Variants in TM4SF5 observed in about 807,000 individuals in gnomAD.
The protein encoded by TM4SF5 is transmembrane 4 L6 family member 5.
A neutral mutation model predicts 22.3 loss-of-function variants in TM4SF5; 16 were observed. The observed-to-expected ratio is 0.72, with a 90% confidence interval of 0.49 to 1.09. The LOEUF is 1.09. TM4SF5 is among the 50% of genes least tolerant of loss of function. The pLI is 0.00. For missense variants in TM4SF5, 249 were observed against 266.1 expected, an observed-to-expected ratio of 0.94 and a Z score of 0.45; for synonymous variants, 113 against 109.6, an observed-to-expected ratio of 1.03 and a Z score of -0.19.
intron 2 of TM4SF5, 115 bp downstream of exon 2, chr17:4,780,984 G>A: frequency 1.2e-6 from 1 of 848,510 alleles, no homozygotes; most frequent in Non-Finnish European, 1.8e-6. Context: ...TTCTAGACCA[G>A]CCCAGGAAAC....
In TM4SF5 at chr17:4,781,136, A is replaced by T. The variant is rs34783134; in HGVS notation, c.258+267A>T. Among the ~76,000 whole-genome samples, 5 of 22,736 alleles carry T rather than the reference A, an allele frequency of 2.2e-4. No homozygotes were observed. In the East Asian group the frequency reaches 4.0e-3, roughly 18 times the overall value. The allele number at this position is 22,736 out of a possible 152,430, so 14.9% of individuals were successfully genotyped here. On this transcript the variant is annotated intron_variant, in intron 2 of 4. Transcript: ENST00000270560. ...TCCAGGCTGCAGTAAGCAGTGATTT[A>T]AAAAAAAAAAAAAAAAAAAAAAAAG...
chr17:4,775,839 GAAT>G (rs1917194160), intron 1 of TM4SF5, among the ~76,000 whole-genome samples: 1 of 152,070 alleles, frequency 6.6e-6, no homozygotes, highest in Non-Finnish European at 1.5e-5. Flanking sequence ...TACACAAATG[GAAT>G]GATAGAGTAT....
chr17:4,780,967 C>G, intron 2 of TM4SF5, 98 bp downstream of exon 2: 1 of 1,033,018 alleles, frequency 9.7e-7, no homozygotes, highest in Non-Finnish European at 1.5e-6. Flanking sequence ...ACGGCTTGAG[C>G]CAGGAGTTCT....
Position 4,771,892 on chromosome 17 carries a change from A to C in TM4SF5, c.-31A>C, listed in dbSNP as rs1597295668. The C allele has an allele frequency of 1.2e-6, 2 of 1,612,136 alleles. No homozygotes were observed. Among genetic ancestry groups the C allele is most frequent in the Non-Finnish European group, 1.7e-6 (2 of 1,178,886 alleles). On this transcript the variant is annotated 5_prime_UTR_variant, in exon 1 of 5. Transcript: ENST00000270560. ...ACCTGGGAACCACTGGCTTACTTTC[A>C]CTCACCGCCTGTCCTTCCTGACACC...
At position 4,782,858 on chromosome 17, in the gene TM4SF5, G is replaced by T. The variant is rs755807027; in HGVS notation, c.400G>T (p.Ala134Ser). 2 of 1,611,486 alleles carry T rather than the reference G, an allele frequency of 1.2e-6. No homozygotes were observed. The highest frequency in any genetic ancestry group is 1.7e-6 in the Non-Finnish European group (2 of 1,178,786). The change falls in exon 4 of 5, where the codon GCT becomes TCT. Residue 134 changes from alanine to serine, a missense_variant. Ala to Ser is a moderately conservative substitution (Grantham distance 99). Coordinates refer to ENST00000270560, the MANE Select transcript of TM4SF5 (RefSeq NM_003963.3). ...GTGGCCTCACCCCTCCCACAGGGGA[G>T]CTTACTTGCTCAACCGCACTCTATG... Reference protein sequence around the residue: ...WGYHFEDTAGAYLLNRTLWDR... With the variant: ...WGYHFEDTAGSYLLNRTLWDR...
At chr17:4,774,804 AGCTGAGGCAGGAG>A (rs1489987327) in intron 1 of TM4SF5, among the ~76,000 whole-genome samples, 3 of 151,978 alleles carry the variant, frequency 2.0e-5, no homozygotes, top group African/African-American at 7.3e-5. Context: ...CTACTCAGGA[AGCTGAGGCAGGAG>A]AATTGCTTGA....
At chr17:4,772,525 G>A (rs966636427) in intron 1 of TM4SF5, among the ~76,000 whole-genome samples, 2 of 152,150 alleles carry the variant, frequency 1.3e-5, no homozygotes, top group Non-Finnish European at 2.9e-5. Context: ...TCACGGATCA[G>A]TCACCCTCGC....
At chr17:4,775,845 T>A (rs1205331080) in intron 1 of TM4SF5, among the ~76,000 whole-genome samples, 1 of 152,126 alleles carries the variant, frequency 6.6e-6, no homozygotes, top group Non-Finnish European at 1.5e-5. Context: ...AATGGAATGA[T>A]AGAGTATGTG....
chr17:4,780,731 C>G, intron 1 of TM4SF5, 58 bp from the exon 2 acceptor site: 1 of 1,448,654 alleles, frequency 6.9e-7, no homozygotes, highest in Non-Finnish European at 9.5e-7. Flanking sequence ...GGCACTGATG[C>G]AAGTCAGGCC....
At chr17:4,777,717 T>C (rs1483299461) in intron 1 of TM4SF5, among the ~76,000 whole-genome samples, 1 of 151,938 alleles carries the variant, frequency 6.6e-6, no homozygotes, top group Non-Finnish European at 1.5e-5. Flanking sequence ...AAACTTTGTC[T>C]CTACTAAAAA....
chr17:4,780,709 C>T, intron 1 of TM4SF5, 80 bp from the exon 2 acceptor site: 1 of 1,189,008 alleles, frequency 8.4e-7, no homozygotes, highest in Non-Finnish European at 1.2e-6. Flanking sequence ...AGGCAGCTTC[C>T]TGAAGGAGGT....
intron 1 of TM4SF5, among the ~76,000 whole-genome samples, chr17:4,774,901 C>A (rs188616629): frequency 6.6e-6 from 1 of 152,322 alleles, no homozygotes; most frequent in African/African-American, 2.4e-5. Context: ...GAGTGAAACT[C>A]TGTCTCAAAA....
intron 2 of TM4SF5, 152 bp from the exon 3 acceptor site, chr17:4,782,351 T>C: frequency 1.1e-6 from 1 of 875,296 alleles, no homozygotes; most frequent in Non-Finnish European, 1.8e-6. Flanking sequence ...AGTGCTGAGA[T>C]TACAGGGGTG....
At chr17:4,781,489 A>C (rs1917310286) in intron 2 of TM4SF5, among the ~76,000 whole-genome samples, 1 of 152,120 alleles carries the variant, frequency 6.6e-6, no homozygotes, top group Admixed American at 6.5e-5. Context: ...GCCTCAAAAA[A>C]AATGTATTTT....
chr17:4,783,135 A>G lies in TM4SF5; in HGVS notation c.*7A>G, dbSNP rs772266496. 1 of 1,613,444 alleles carries G rather than the reference A, an allele frequency of 6.2e-7. No individual in the cohort carries two copies. Among genetic ancestry groups the G allele is most frequent in the South Asian group, 1.1e-5 (1 of 91,010 alleles). ...GCAGGACACACCTCACTGAGGCTCC[A>G]CTGACCGCCGGGTTACACCTGCTCC... is the stretch of plus-strand genomic sequence containing the variant. On this transcript the variant is annotated 3_prime_UTR_variant, in exon 5 of 5. Coordinates refer to ENST00000270560, the MANE Select transcript of TM4SF5 (RefSeq NM_003963.3).
At chr17:4,782,013 A>C (rs1268362155) in intron 2 of TM4SF5, among the ~76,000 whole-genome samples, 7 of 150,806 alleles carry the variant, frequency 4.6e-5, no homozygotes, top group Non-Finnish European at 8.8e-5. Context: ...TCCGCAGAGG[A>C]GCTTGTGTAG....
intron 1 of TM4SF5, 86 bp from the exon 2 acceptor site, chr17:4,780,703 A>G (rs1198122181): frequency 1.9e-6 from 2 of 1,067,878 alleles, no homozygotes; most frequent in Non-Finnish European, 2.7e-6. Flanking sequence ...CATCACAGGC[A>G]GCTTCCTGAA....
chr17:4,778,435 A>C (rs142648287), intron 1 of TM4SF5, among the ~76,000 whole-genome samples: 1 of 152,120 alleles, frequency 6.6e-6, no homozygotes, highest in East Asian at 1.9e-4. Context: ...GCAACATGGT[A>C]AGACATGAAC....
chr17:4,777,742 G>A (rs1452806143), intron 1 of TM4SF5, among the ~76,000 whole-genome samples: 1 of 152,010 alleles, frequency 6.6e-6, no homozygotes, highest in East Asian at 1.9e-4. Context: ...AAGTTAGCAG[G>A]GCGTGGTGGC....
Sources: gnomAD v4.1 joint callset for allele counts (sites outside exome capture counted in the v4.1 genomes callset) on GRCh38, gnomAD v4.1.1 for gene constraint, MANE v1.5 for transcripts, NCBI Gene and HGNC (gene_info 2026-07-23, HGNC 2026-07-21) for gene names.